The following ZNF423 variants were observed in gnomAD, a reference collection of about 807,000 sequenced individuals.
ZNF423 encodes the protein Ebf-associated zinc finger protein.
A neutral mutation model predicts 95.8 loss-of-function variants in ZNF423; 12 were observed. That is an observed-to-expected ratio of 0.13 (90% CI 0.08 to 0.20). The LOEUF (loss-of-function observed/expected upper bound fraction) is 0.20. Ranked by LOEUF, ZNF423 falls within the 10% of genes least tolerant of loss-of-function variation. The pLI is 1.00. For synonymous variants in ZNF423, 749 were observed against 711.9 expected (o/e 1.05, Z -0.83); for missense variants, 1,316 against 1,737.1 (o/e 0.76, Z 4.31).
intron 1 of ZNF423, among the ~76,000 whole-genome samples, chr16:49,824,776 C>T (rs892735899): frequency 6.6e-6 from 1 of 152,124 alleles, no homozygotes; most frequent in Non-Finnish European, 1.5e-5. Context: ...TCCTGGACCC[C>T]GCCTCTCCAC....
intron 5 of ZNF423, among the ~76,000 whole-genome samples, chr16:49,590,828 G>A (rs991559532): frequency 2.6e-5 from 4 of 152,184 alleles, no homozygotes; most frequent in African/African-American, 4.8e-5. Flanking sequence ...GGCTCCAGCC[G>A]GCCCGGTGAG....
intron 7 of ZNF423, among the ~76,000 whole-genome samples, chr16:49,514,643 T>C (rs539087802): frequency 8.0e-4 from 122 of 152,280 alleles, no homozygotes; most frequent in African/African-American, 2.9e-3. Flanking sequence ...CTAGCTCTGC[T>C]TTTAATCAAT....
intron 5 of ZNF423, among the ~76,000 whole-genome samples, chr16:49,604,467 G>A (rs1488266389): frequency 6.6e-6 from 1 of 152,014 alleles, no homozygotes; most frequent in African/African-American, 2.4e-5. Flanking sequence ...CCTTGAACAC[G>A]CTGCCACACT....
At chr16:49,667,597 G>C (rs191090412) in intron 3 of ZNF423, among the ~76,000 whole-genome samples, 23 of 152,354 alleles carry the variant, frequency 1.5e-4, no homozygotes, top group African/African-American at 4.6e-4. Context: ...AAAGGAAACC[G>C]AGGGCTGGGC....
intron 3 of ZNF423, among the ~76,000 whole-genome samples, chr16:49,671,801 T>C (rs1022808094): frequency 2.6e-5 from 4 of 152,098 alleles, no homozygotes; most frequent in African/African-American, 9.7e-5. Context: ...TCTCATGCCT[T>C]AGCCTCCTGA....
At chr16:49,528,902 C>T (rs577294046) in intron 5 of ZNF423, among the ~76,000 whole-genome samples, 32 of 152,196 alleles carry the variant, frequency 2.1e-4, no homozygotes, top group African/African-American at 6.3e-4. Context: ...ACTCTCACCC[C>T]GCAGGCGCTG....
chr16:49,566,084 C>G (rs8063074), intron 5 of ZNF423, among the ~76,000 whole-genome samples: 16,949 of 152,184 alleles, frequency 0.11, 1,124 homozygotes, highest in East Asian at 0.27. Flanking sequence ...GGTCTAACCC[C>G]ACTTCCAGTG....
intron 3 of ZNF423, among the ~76,000 whole-genome samples, chr16:49,722,698 C>T (rs544021214): frequency 6.6e-6 from 1 of 152,288 alleles, no homozygotes; most frequent in South Asian, 2.1e-4. Context: ...ACCCCTTTGC[C>T]TTGCAGGAGG....
At chr16:49,791,781 C>T (rs1183523925) in intron 1 of ZNF423, among the ~76,000 whole-genome samples, 1 of 152,094 alleles carries the variant, frequency 6.6e-6, no homozygotes, top group Non-Finnish European at 1.5e-5. Flanking sequence ...GCAAGCAGAT[C>T]ACTTGAGGTC....
chr16:49,789,362 C>A, intron 2 of ZNF423, 125 bp downstream of exon 2: 1 of 866,640 alleles, frequency 1.2e-6, no homozygotes, highest in Non-Finnish European at 1.8e-6. Flanking sequence ...ATGGGGTAGT[C>A]TGGATTGGAG....
At chr16:49,822,656 C>T in intron 1 of ZNF423, 1 of 1,607,484 alleles carries the variant, frequency 6.2e-7, no homozygotes, top group Non-Finnish European at 8.5e-7. Context: ...CAGCCCAAGG[C>T]CTCCCCTGCT....
chr16:49,614,008 A>G (rs939921570), intron 5 of ZNF423, among the ~76,000 whole-genome samples: 2 of 152,260 alleles, frequency 1.3e-5, no homozygotes, highest in African/African-American at 4.8e-5. Flanking sequence ...TTAAGATAAA[A>G]TGACAAGCTC....
At chr16:49,597,641 G>T (rs1387221165) in intron 5 of ZNF423, among the ~76,000 whole-genome samples, 1 of 152,022 alleles carries the variant, frequency 6.6e-6, no homozygotes, top group Non-Finnish European at 1.5e-5. Context: ...GTGCAAGCCT[G>T]CCTGGTGTCC....
chr16:49,551,093 C>T (rs1035259772), intron 5 of ZNF423, among the ~76,000 whole-genome samples: 6 of 152,256 alleles, frequency 3.9e-5, no homozygotes, highest in Admixed American at 3.3e-4. Context: ...TATCTCTATG[C>T]CCCTTCCAGG....
intron 4 of ZNF423, among the ~76,000 whole-genome samples, chr16:49,627,612 T>G (rs972526343): frequency 2.1e-5 from 3 of 139,728 alleles, no homozygotes; most frequent in African/African-American, 8.2e-5. Context: ...CACTCACCCA[T>G]CCACCCATAC....
rs1968391922 is a variant in ZNF423 at position 49,521,455 on chromosome 16, GCGCATC to G, written c.3849+2163_3849+2168del. Among the ~76,000 whole-genome samples, 5 of 152,294 alleles carry G rather than the reference GCGCATC, an allele frequency of 3.3e-5. No individual in the cohort carries two copies. The South Asian group carries it at 1.0e-3, about 32-fold the overall frequency. On this transcript the variant is annotated intron_variant, in intron 7 of 7. Transcript: ENST00000563137. ...GCATGGACTGCACTTGGGAGAGGGT[GCGCATC>G]CAGCACACGAGCAGGGAGGCTTCTT...
intron 1 of ZNF423, among the ~76,000 whole-genome samples, chr16:49,797,309 C>T (rs1330219562): frequency 2.6e-5 from 4 of 152,090 alleles, no homozygotes; most frequent in Non-Finnish European, 4.4e-5. Context: ...GCAAAGGTGG[C>T]GAGAAAGAGC....
At chr16:49,786,133 C>T (rs1242183781) in intron 2 of ZNF423, among the ~76,000 whole-genome samples, 1 of 152,222 alleles carries the variant, frequency 6.6e-6, no homozygotes, top group Non-Finnish European at 1.5e-5. Flanking sequence ...CTGCGCACTC[C>T]GCTCCCCACG....
intron 5 of ZNF423, among the ~76,000 whole-genome samples, chr16:49,541,863 T>C (rs1490903231): frequency 6.6e-6 from 1 of 152,246 alleles, no homozygotes; most frequent in Non-Finnish European, 1.5e-5. Context: ...CCTTCTATCA[T>C]GACTGTAAGT....
Sources: gnomAD v4.1 joint callset for allele counts (sites outside exome capture counted in the v4.1 genomes callset) on GRCh38, gnomAD v4.1.1 for gene constraint, MANE v1.5 for transcripts, NCBI Gene and HGNC (gene_info 2026-07-23, HGNC 2026-07-21) for gene names.